TMPRSS2: variants seen among roughly 807,000 people sequenced by gnomAD.
TMPRSS2 encodes the protein transmembrane protease serine 2.
Under a neutral mutation model 67.4 loss-of-function variants are expected in TMPRSS2, and 59 were observed. That is an observed-to-expected ratio of 0.88 (90% CI 0.71 to 1.09). The LOEUF (loss-of-function observed/expected upper bound fraction) is 1.09. Among genes scored for constraint, TMPRSS2 ranks in the 50% least tolerant of loss-of-function variants. The pLI is 0.00. For missense variants in TMPRSS2, 668 were observed against 642.7 expected (o/e 1.04, Z -0.43); for synonymous variants, 257 against 257.0 (o/e 1.00, Z 0.00).
chr21:41,472,449 C>T (rs2091142249), intron 9 of TMPRSS2, among the ~76,000 whole-genome samples: 1 of 152,144 alleles, frequency 6.6e-6, no homozygotes, highest in Non-Finnish European at 1.5e-5. Flanking sequence ...GGGCCCAGAG[C>T]ACCCAGTGGT....
At position 41,470,673 on chromosome 21, in the gene TMPRSS2, G is replaced by C. The variant is rs779695423; in HGVS notation, c.1146C>G (p.Ser382=). Residue 382 remains serine (S), a synonymous_variant, in exon 11 of 14, where the codon TCC becomes TCG. Transcript: ENST00000332149. The part of the protein sequence containing the change: ...MLQPEQLCWI[S]GWGATEEKGK... The stretch of plus-strand genomic sequence containing the variant: ...CTTTCTCCTCGGTGGCCCCCCACCC[G>C]GAAATCCAGCAGAGCTGTTCTGGCT... The C allele has an allele frequency of 6.2e-7, 1 of 1,613,530 alleles. No individual in the cohort carries two copies. The highest frequency in any genetic ancestry group is 8.5e-7 in the Non-Finnish European group (1 of 1,179,968).
rs1410996598 is a variant in TMPRSS2, at chr21:41,478,194, C to T, written c.683+978G>A. 1.3e-5 allele frequency among the ~76,000 whole-genome samples: 2 copies of T among 152,228 alleles called. No homozygotes were observed. The highest frequency in any genetic ancestry group is 4.8e-5 in the African/African-American group (2 of 41,460). Reference sequence around the variant, plus strand: ...GCACAGCCCTCCCCACTGGGCTTGCCCTGCCACATTCCCCAGGACAGCAGG... The same window carrying T: ...GCACAGCCCTCCCCACTGGGCTTGCTCTGCCACATTCCCCAGGACAGCAGG... On this transcript the variant is annotated intron_variant, in intron 7 of 13. Transcript: ENST00000332149. The surrounding 1 kb of genome is among the most constrained non-coding windows in gnomAD (Gnocchi z 4.0).
At chr21:41,467,997 G>A in intron 12 of TMPRSS2, 111 bp from the exon 13 acceptor site, 1 of 1,191,798 alleles carries the variant, frequency 8.4e-7, no homozygotes, top group South Asian at 1.4e-5. Flanking sequence ...TGAGTTACGA[G>A]TGACTGTGTG....
chr21:41,485,331 C>G (rs1336250648), intron 5 of TMPRSS2, among the ~76,000 whole-genome samples: 1 of 152,046 alleles, frequency 6.6e-6, no homozygotes, highest in Non-Finnish European at 1.5e-5. Flanking sequence ...TATTCACCCA[C>G]ATGTGCACAT....
At chr21:41,493,688 G>A (rs956821882) in intron 3 of TMPRSS2, among the ~76,000 whole-genome samples, 1 of 152,260 alleles carries the variant, frequency 6.6e-6, no homozygotes, top group African/African-American at 2.4e-5. Flanking sequence ...CTGGGAGGCA[G>A]TGCAAGAGGG....
intron 11 of TMPRSS2, 144 bp from the exon 12 acceptor site, chr21:41,468,682 A>G: frequency 1.2e-6 from 1 of 859,206 alleles, no homozygotes; most frequent in Non-Finnish European, 1.7e-6. Context: ...AGCTCATCCC[A>G]GCACCAACCC....
Position 41,488,619 on chromosome 21 carries a change from C to T in TMPRSS2, c.326-106G>A, listed in dbSNP as rs1445251564. Reference sequence around the variant, plus strand: ...TACTGTAGCTCGCTGCAGCCTCCAACTCCTGGCCCCACTGTGTTTTGTTTT... The same window carrying T: ...TACTGTAGCTCGCTGCAGCCTCCAATTCCTGGCCCCACTGTGTTTTGTTTT... On this transcript the variant is annotated intron_variant, in intron 4 of 13. Transcript: ENST00000332149. 1.7e-5 allele frequency: 21 copies of T among 1,259,566 alleles called. No individual in the cohort carries two copies. The Admixed American group carries it at 4.4e-4, about 26-fold the overall frequency. The allele number at this position is 1,259,566 out of a possible 1,614,324, so 78.0% of individuals were successfully genotyped here.
At position 41,467,723 on chromosome 21, in the gene TMPRSS2, A is replaced by G. The variant is rs766269069; in HGVS notation, c.1467+11T>C. 2.5e-6 allele frequency: 4 copies of G among 1,613,914 alleles called. No homozygotes were observed. The South Asian group carries it at 4.4e-5, about 18-fold the overall frequency. ...CGGAGAACACAGTCAGAAGGAGGAC[A>G]GGATAGTTACCCTCATTTGTCGATA... On this transcript the variant is annotated intron_variant, in intron 13 of 13. Coordinates refer to ENST00000332149, the MANE Select transcript of TMPRSS2 (RefSeq NM_005656.4).
rs926849903 is a variant in TMPRSS2, at chr21:41,465,076, T to C, written c.*1066A>G. The stretch of plus-strand genomic sequence containing the variant: ...CACTTTGCTTCAGCACATTCATTTA[T>C]AGAACGTTAAGTCAGGAGCCAGTCA... On this transcript the variant is annotated 3_prime_UTR_variant, in exon 14 of 14. Transcript: ENST00000332149. 4.7e-5 allele frequency: 11 copies of C among 233,472 alleles called. No homozygotes were observed. Among genetic ancestry groups the C allele is most frequent in the Non-Finnish European group, 6.8e-5 (8 of 118,070 alleles). 14.5% of individuals were successfully genotyped at this position (233,472 alleles called of 1,614,324 possible).
intron 1 of TMPRSS2, among the ~76,000 whole-genome samples, chr21:41,500,438 G>A (rs1469909970): frequency 6.6e-6 from 1 of 152,216 alleles, no homozygotes; most frequent in Non-Finnish European, 1.5e-5. Flanking sequence ...GAGCCAAGTA[G>A]AGTGGGGCCG....
At chr21:41,484,905 G>A (rs1489477046) in intron 5 of TMPRSS2, among the ~76,000 whole-genome samples, 2 of 152,100 alleles carry the variant, frequency 1.3e-5, no homozygotes, top group Admixed American at 6.5e-5. Flanking sequence ...TGTCCAGGAT[G>A]GTATCCAGTG....
chr21:41,480,377 C>T (rs2146451287), intron 6 of TMPRSS2, 99 bp downstream of exon 6: 2 of 1,540,246 alleles, frequency 1.3e-6, no homozygotes, highest in Non-Finnish European at 1.7e-6. Flanking sequence ...TTGTCCCCAG[C>T]ACTCATGTGC....
At chr21:41,490,167 T>C (rs991887648) in intron 3 of TMPRSS2, among the ~76,000 whole-genome samples, 1 of 143,276 alleles carries the variant, frequency 7.0e-6, no homozygotes, top group Non-Finnish European at 1.5e-5. Flanking sequence ...AAAAAGATAG[T>C]ATGCTAAAAG....
At chr21:41,471,707 A>G in intron 10 of TMPRSS2, 99 bp downstream of exon 10, 2 of 1,399,572 alleles carry the variant, frequency 1.4e-6, no homozygotes, top group Non-Finnish European at 1.9e-6. Context: ...CGCTCAACGC[A>G]AATGCCTCCC....
chr21:41,508,127 G>A lies in TMPRSS2; in HGVS notation c.-103C>T, dbSNP rs1179553752. ...TCCCCGCCCCTCGCCCTCCGCCTCC[G>A]CCTCCGCCTCCTGCTTAGCTCGCGC... On this transcript the variant is annotated 5_prime_UTR_variant, in exon 1 of 14. Transcript: ENST00000332149. 2 of 931,574 alleles carry A rather than the reference G, an allele frequency of 2.1e-6. No homozygotes were observed. The highest frequency in any genetic ancestry group is 2.9e-6 in the Non-Finnish European group (2 of 693,310). The allele number at this position is 931,574 out of a possible 1,614,324, so 57.7% of individuals were successfully genotyped here. A position where few individuals can be genotyped will look rare whatever the true frequency, so the allele number is the denominator to read the frequency against.
chr21:41,469,732 C>T (rs2091114868), intron 11 of TMPRSS2, among the ~76,000 whole-genome samples: 2 of 151,796 alleles, frequency 1.3e-5, no homozygotes, highest in Admixed American at 1.3e-4. Context: ...TCTGACCACA[C>T]CTGCCCCGTC....
At chr21:41,484,468 A>G (rs143148203) in intron 5 of TMPRSS2, among the ~76,000 whole-genome samples, 179 of 152,290 alleles carry the variant, frequency 1.2e-3, no homozygotes, top group African/African-American at 4.1e-3. Flanking sequence ...TTTCCATGGG[A>G]CGGGTCATAT....
At chr21:41,479,403 G>A in intron 6 of TMPRSS2, 121 bp from the exon 7 acceptor site, 4 of 731,138 alleles carry the variant, frequency 5.5e-6, no homozygotes, top group Non-Finnish European at 6.5e-6. Context: ...TAGCATTTAG[G>A]AAAAAAAATC....
In TMPRSS2 at chr21:41,466,098, A is replaced by C. The variant is rs1393752204; in HGVS notation, c.*44T>G. 6.2e-7 allele frequency: 1 copy of C among 1,612,744 alleles called. No homozygotes were observed. ...TGCACGGGGAAGCAAAACCAGCCCC[A>C]TTGTTTTCTTGTAAAACGACGTCAA... On this transcript the variant is annotated 3_prime_UTR_variant, in exon 14 of 14. Coordinates refer to ENST00000332149, the MANE Select transcript of TMPRSS2 (RefSeq NM_005656.4).
Sources: allele counts gnomAD v4.1 joint callset (sites outside exome capture counted in the v4.1 genomes callset), GRCh38; gene constraint gnomAD v4.1.1; non-coding constraint Gnocchi (gnomAD v3.1); transcripts MANE v1.5; gene names NCBI Gene and HGNC (gene_info 2026-07-23, HGNC 2026-07-21).